The following CDYL variants were observed in gnomAD, a reference collection of about 807,000 sequenced individuals.
The protein encoded by CDYL is chromodomain Y-like protein.
CDYL carries 8 observed loss-of-function variants against 47.3 expected under a neutral mutation model. That is an observed-to-expected ratio of 0.17 (90% CI 0.10 to 0.31). The LOEUF is 0.31. Ranked by LOEUF, CDYL falls within the 10% of genes least tolerant of loss-of-function variation. The pLI, the probability that CDYL is intolerant of heterozygous loss-of-function variation, is 1.00. For missense variants in CDYL, 471 were observed against 701.4 expected (o/e 0.67, Z 3.71); for synonymous variants, 266 against 265.0 (o/e 1.00, Z -0.04).
intron 1 of CDYL, among the ~76,000 whole-genome samples, chr6:4,837,761 G>A (rs1044080029): frequency 2.7e-5 from 4 of 145,970 alleles, no homozygotes; most frequent in African/African-American, 5.1e-5. Flanking sequence ...CACCGCGCCC[G>A]GCCTCTTATT....
intron 1 of CDYL, among the ~76,000 whole-genome samples, chr6:4,849,571 A>T (rs202212613): frequency 5.4e-5 from 7 of 128,666 alleles, no homozygotes; most frequent in African/African-American, 1.8e-4. Flanking sequence ...AAGTGCTCTT[A>T]CTTTCTTTCT....
chr6:4,833,298 A>G (rs909402582), intron 1 of CDYL, among the ~76,000 whole-genome samples: 15 of 148,800 alleles, frequency 1.0e-4, no homozygotes, highest in Non-Finnish European at 1.6e-4. Context: ...GTTTCAAAGA[A>G]CATCTTTATT....
At chr6:4,732,784 A>C (rs886160721) in intron 2 of CDYL, among the ~76,000 whole-genome samples, 2 of 151,990 alleles carry the variant, frequency 1.3e-5, no homozygotes, top group African/African-American at 4.8e-5. Flanking sequence ...AGGGAGGAAA[A>C]CAGATTCAAG....
At chr6:4,751,157 A>G (rs888376608) in intron 3 of CDYL, among the ~76,000 whole-genome samples, 11 of 152,124 alleles carry the variant, frequency 7.2e-5, no homozygotes, top group Admixed American at 6.5e-4. Flanking sequence ...GCCTGGCCAA[A>G]ATACTCTTTT....
At chr6:4,895,063 GTATA>G (rs1399528799) in intron 2 of CDYL, among the ~76,000 whole-genome samples, 4 of 113,508 alleles carry the variant, frequency 3.5e-5, no homozygotes, top group Admixed American at 1.0e-4. Context: ...GTACATATGG[GTATA>G]TATGTATCTA....
At chr6:4,943,509 A>G (rs768807410) in intron 4 of CDYL, 37 bp from the exon 5 acceptor site, 6 of 1,382,908 alleles carry the variant, frequency 4.3e-6, no homozygotes, top group Non-Finnish European at 6.1e-6. Context: ...CAAATATGCA[A>G]TGTTTTGAGT....
chr6:4,777,721 G>A, intron 1 of CDYL, among the ~76,000 whole-genome samples: 1 of 152,158 alleles, frequency 6.6e-6, no homozygotes, highest in East Asian at 1.9e-4. Flanking sequence ...GGGACTTAAG[G>A]AAGCATCTGT....
chr6:4,779,467 A>G (rs934571662), intron 1 of CDYL, among the ~76,000 whole-genome samples: 1 of 152,234 alleles, frequency 6.6e-6, no homozygotes, highest in South Asian at 2.1e-4. Context: ...AATGTCTCCA[A>G]TACTTAGCAT....
At chr6:4,824,638 T>C (rs2875969) in intron 1 of CDYL, among the ~76,000 whole-genome samples, 4,047 of 152,336 alleles carry the variant, frequency 0.027, 183 homozygotes, top group African/African-American at 0.092. Flanking sequence ...TTACCAGATA[T>C]GATTTGCAAA....
intron 1 of CDYL, among the ~76,000 whole-genome samples, chr6:4,707,936 T>G (rs969563945): frequency 2.7e-5 from 4 of 150,460 alleles, no homozygotes; most frequent in African/African-American, 1.0e-4. Context: ...TATTTAATAG[T>G]GTGCTATTTA....
At chr6:4,943,402 C>T in intron 4 of CDYL, 144 bp from the exon 5 acceptor site, 1 of 634,002 alleles carries the variant, frequency 1.6e-6, no homozygotes, top group Non-Finnish European at 2.7e-6. Flanking sequence ...GGGTCCACAA[C>T]TGCTGGGGAA....
intron 1 of CDYL, among the ~76,000 whole-genome samples, chr6:4,812,276 T>G (rs1759551462): frequency 6.6e-6 from 1 of 152,214 alleles, no homozygotes; most frequent in Admixed American, 6.5e-5. Flanking sequence ...CTTTCTTAGT[T>G]GCTTCCTAAC....
intron 1 of CDYL, among the ~76,000 whole-genome samples, chr6:4,840,707 C>T (rs916208818): frequency 9.9e-5 from 15 of 152,014 alleles, no homozygotes; most frequent in African/African-American, 2.7e-4. Flanking sequence ...CATTGACTTG[C>T]GTATTTTAAA....
chr6:4,725,214 G>A (rs1237245099), intron 2 of CDYL, among the ~76,000 whole-genome samples: 2 of 152,234 alleles, frequency 1.3e-5, no homozygotes, highest in Non-Finnish European at 2.9e-5. Context: ...CCCTTAGCTA[G>A]ACATAAAGGT....
chr6:4,920,804 C>T (rs979970514), intron 2 of CDYL, among the ~76,000 whole-genome samples: 3 of 152,132 alleles, frequency 2.0e-5, no homozygotes, highest in East Asian at 1.9e-4. Context: ...TTAGCAGAGA[C>T]GGGATTTCAT....
At chr6:4,722,637 G>A (rs537572059) in intron 2 of CDYL, among the ~76,000 whole-genome samples, 1 of 152,290 alleles carries the variant, frequency 6.6e-6, no homozygotes, top group African/African-American at 2.4e-5. Context: ...AGCACTTTGG[G>A]AGGCCATGGC....
chr6:4,818,454 A>T (rs1759734762), intron 1 of CDYL, among the ~76,000 whole-genome samples: 1 of 152,136 alleles, frequency 6.6e-6, no homozygotes, highest in African/African-American at 2.4e-5. Context: ...GAACAGCTGA[A>T]TTAGTCAGCA....
intron 1 of CDYL, among the ~76,000 whole-genome samples, chr6:4,869,046 T>G (rs1761400572): frequency 6.6e-6 from 1 of 152,168 alleles, no homozygotes; most frequent in Non-Finnish European, 1.5e-5. Flanking sequence ...ATGTGTCTCT[T>G]GCAGACAGCA....
chr6:4,935,663 A>G lies in CDYL; in HGVS notation c.840A>G (p.Gln280=). ...AGCGATTGCGTTTCAGCGTGAGGCA[A>G]ACAGAAAGTGCCTACAGATACAGAG... is the stretch of plus-strand genomic sequence containing the variant. ...FDKRLRFSVR[Q]TESAYRYRDI... The change falls in exon 3 of 7, where the codon CAA becomes CAG. Residue 280 remains glutamine, a synonymous_variant. Transcript: ENST00000397588. The G allele has an allele frequency of 2.5e-6, 4 of 1,614,230 alleles. No individual in the cohort carries two copies. The highest frequency in any genetic ancestry group is 3.4e-6 in the Non-Finnish European group (4 of 1,180,038).
Sources: allele counts gnomAD v4.1 joint callset (sites outside exome capture counted in the v4.1 genomes callset), GRCh38; gene constraint gnomAD v4.1.1; transcripts MANE v1.5; gene names NCBI Gene and HGNC (gene_info 2026-07-23, HGNC 2026-07-21).